Variants in MACROD2 observed in about 807,000 individuals in gnomAD.
MACROD2 encodes the protein ADP-ribose glycohydrolase MACROD2.
In MACROD2, 36 loss-of-function variants were observed where a neutral mutation model predicts 70.4. The observed-to-expected ratio is 0.51, with a 90% confidence interval of 0.39 to 0.68. The LOEUF (loss-of-function observed/expected upper bound fraction) is 0.68. MACROD2 is among the 30% of genes least tolerant of loss of function. The probability of loss-of-function intolerance (pLI) is 0.00; values close to 1 mark genes in which losing one functional copy is unlikely to be tolerated. For missense variants in MACROD2, 496 were observed against 538.4 expected, an observed-to-expected ratio of 0.92 and a Z score of 0.78; for synonymous variants, 172 against 178.8, an observed-to-expected ratio of 0.96 and a Z score of 0.30.
intron 5 of MACROD2, among the ~76,000 whole-genome samples, chr20:15,144,045 TG>T (rs2076212510): frequency 6.6e-6 from 1 of 151,720 alleles, no homozygotes; most frequent in African/African-American, 2.4e-5. Context: ...GGGCCTCATG[TG>T]GGTCGTGGGC....
intron 8 of MACROD2, among the ~76,000 whole-genome samples, chr20:15,566,154 T>C (rs1449428930): frequency 6.6e-6 from 1 of 152,122 alleles, no homozygotes; most frequent in Non-Finnish European, 1.5e-5. Flanking sequence ...ATGCAGTTGA[T>C]ATCCATTTAC....
intron 5 of MACROD2, among the ~76,000 whole-genome samples, chr20:14,769,558 T>C (rs1302541137): frequency 6.6e-6 from 1 of 152,130 alleles, no homozygotes; most frequent in Non-Finnish European, 1.5e-5. Context: ...CATCATATTG[T>C]ACCGCACCTA....
At chr20:15,448,460 A>G (rs934709709) in intron 7 of MACROD2, among the ~76,000 whole-genome samples, 1 of 152,052 alleles carries the variant, frequency 6.6e-6, no homozygotes, top group Non-Finnish European at 1.5e-5. Flanking sequence ...ATACAATCAA[A>G]GCTTTATATT....
At chr20:14,106,839 C>G (rs1175290252) in intron 3 of MACROD2, among the ~76,000 whole-genome samples, 1 of 152,158 alleles carries the variant, frequency 6.6e-6, no homozygotes, top group East Asian at 1.9e-4. Flanking sequence ...CAAGGTGGTA[C>G]CTTTATGAGT....
At chr20:14,830,863 G>A (rs1391555874) in intron 5 of MACROD2, among the ~76,000 whole-genome samples, 4 of 152,142 alleles carry the variant, frequency 2.6e-5, no homozygotes, top group African/African-American at 9.7e-5. Context: ...ATACCAGCCT[G>A]TCTGTGCTTT....
intron 12 of MACROD2, among the ~76,000 whole-genome samples, chr20:15,957,778 G>A (rs1386000343): frequency 1.3e-5 from 2 of 152,152 alleles, no homozygotes; most frequent in Non-Finnish European, 2.9e-5. Context: ...TCCCAACACG[G>A]TGGCCATCAG....
chr20:15,031,670 G>A (rs1482903379), intron 5 of MACROD2, among the ~76,000 whole-genome samples: 1 of 152,164 alleles, frequency 6.6e-6, no homozygotes, highest in East Asian at 1.9e-4. Context: ...AGTACCGTCT[G>A]TGTTAATCTG....
At chr20:15,835,310 A>C (rs971529029) in intron 8 of MACROD2, among the ~76,000 whole-genome samples, 2 of 152,156 alleles carry the variant, frequency 1.3e-5, no homozygotes, top group South Asian at 4.1e-4. Context: ...TACATAATTA[A>C]TACAAATTTC....
chr20:14,065,297 C>T (rs2053742681), intron 2 of MACROD2, among the ~76,000 whole-genome samples: 1 of 152,204 alleles, frequency 6.6e-6, no homozygotes, highest in African/African-American at 2.4e-5. Flanking sequence ...GTCTCTCTCG[C>T]AATTTCTTTG....
chr20:14,381,175 T>A (rs1228748195), intron 3 of MACROD2, among the ~76,000 whole-genome samples: 6 of 152,152 alleles, frequency 3.9e-5, no homozygotes, highest in East Asian at 1.9e-4. Context: ...TTTTGCCTTT[T>A]AAAAAAATCT....
intron 8 of MACROD2, among the ~76,000 whole-genome samples, chr20:15,562,417 C>T (rs1246355832): frequency 6.6e-6 from 1 of 152,184 alleles, no homozygotes; most frequent in Non-Finnish European, 1.5e-5. Context: ...TGATTAGGTG[C>T]ACCTAAGCTT....
At chr20:15,590,076 A>G (rs1568914623) in intron 8 of MACROD2, among the ~76,000 whole-genome samples, 1 of 152,212 alleles carries the variant, frequency 6.6e-6, no homozygotes, top group African/African-American at 2.4e-5. Flanking sequence ...CCTTAAATAC[A>G]TAAAAATACT....
intron 6 of MACROD2, among the ~76,000 whole-genome samples, chr20:15,385,283 G>A (rs1388960220): frequency 6.6e-6 from 1 of 152,090 alleles, no homozygotes; most frequent in Non-Finnish European, 1.5e-5. Flanking sequence ...AATGGAACTC[G>A]GTGAGTTTTG....
chr20:15,628,972 CATT>C (rs1262365314), intron 8 of MACROD2, among the ~76,000 whole-genome samples: 2 of 152,214 alleles, frequency 1.3e-5, no homozygotes. Flanking sequence ...TATTCTATCA[CATT>C]ATGTAAATAT....
At position 14,515,465 on chromosome 20, in the gene MACROD2, G is replaced by GCGCGCA. The variant is rs1369248292; in HGVS notation, c.301+21958_301+21959insGCGCAC. 3.3e-3 allele frequency among the ~76,000 whole-genome samples: 415 copies of GCGCGCA among 127,170 alleles called. 1 individual carries two copies. Among genetic ancestry groups the GCGCGCA allele is most frequent in the South Asian group, 6.4e-3 (27 of 4,196 alleles). 83.4% of individuals were successfully genotyped at this position (127,170 alleles called of 152,430 possible). Reference sequence around the variant, plus strand: ...AAGAATATGTGAGATACACACACACGCACACACACACACACACACACACAC... The same window carrying GCGCGCA: ...AAGAATATGTGAGATACACACACACGCGCGCACACACACACACACACACACACACAC... On this transcript the variant is annotated intron_variant, in intron 4 of 17. Transcript: ENST00000684519.
At chr20:15,234,770 A>G (rs2076998985) in intron 6 of MACROD2, among the ~76,000 whole-genome samples, 2 of 152,214 alleles carry the variant, frequency 1.3e-5, no homozygotes, top group Non-Finnish European at 2.9e-5. Context: ...AGGGGTGAAG[A>G]CAAGAAAGAA....
At chr20:14,236,374 A>T (rs2081870914) in intron 3 of MACROD2, among the ~76,000 whole-genome samples, 1 of 152,120 alleles carries the variant, frequency 6.6e-6, no homozygotes, top group African/African-American at 2.4e-5. Context: ...CGCTTTCATG[A>T]TCTTTGCTTA....
intron 2 of MACROD2, among the ~76,000 whole-genome samples, chr20:14,046,392 A>G (rs1307749989): frequency 2.0e-5 from 3 of 152,214 alleles, no homozygotes; most frequent in African/African-American, 7.2e-5. Flanking sequence ...GATTGATAAA[A>G]ATCTGACAGT....
At chr20:15,426,620 T>G (rs1029897914) in intron 6 of MACROD2, among the ~76,000 whole-genome samples, 1 of 149,158 alleles carries the variant, frequency 6.7e-6, no homozygotes, top group African/African-American at 2.5e-5. Flanking sequence ...TTTTTTTTTG[T>G]TTTTTGTTTT....
Sources: allele counts gnomAD v4.1 joint callset (sites outside exome capture counted in the v4.1 genomes callset), GRCh38; gene constraint gnomAD v4.1.1; transcripts MANE v1.5; gene names NCBI Gene and HGNC (gene_info 2026-07-23, HGNC 2026-07-21).